Variants in PTPRK observed in about 807,000 individuals in gnomAD.
The protein encoded by PTPRK is protein tyrosine phosphatase receptor type K, also known as receptor-type tyrosine-protein phosphatase kappa.
Under a neutral mutation model 178.0 loss-of-function variants are expected in PTPRK, and 75 were observed. The ratio of observed to expected loss-of-function variants is 0.42; its 90% CI spans 0.35 to 0.51. The LOEUF is 0.51. PTPRK is among the 20% of genes least tolerant of loss of function. PTPRK has a pLI of 0.02. For synonymous variants in PTPRK, 637 were observed against 620.6 expected, an observed-to-expected ratio of 1.03 and a Z score of -0.39; for missense variants, 1,441 against 1,797.8, an observed-to-expected ratio of 0.80 and a Z score of 3.59.
Position 128,414,457 on chromosome 6 carries a change from G to GA in PTPRK, c.101-16770_101-16769insT, listed in dbSNP as rs1278836890. Among the ~76,000 whole-genome samples, 46 of 151,976 alleles carry GA rather than the reference G, an allele frequency of 3.0e-4. 1 individual carries two copies. Among genetic ancestry groups the GA allele is most frequent in the South Asian group, 2.1e-4 (1 of 4,806 alleles). ...CGATTTGATTTTTTAAATATTTTTTGGTAGTATGCACAACTGAAATAACCT... is the reference window on the plus strand; with the variant it reads ...CGATTTGATTTTTTAAATATTTTTTGAGTAGTATGCACAACTGAAATAACCT... On this transcript the variant is annotated intron_variant, in intron 1 of 29. Transcript: ENST00000368226.
At chr6:128,155,348 A>G (rs1479471785) in intron 7 of PTPRK, among the ~76,000 whole-genome samples, 1 of 151,746 alleles carries the variant, frequency 6.6e-6, no homozygotes, top group African/African-American at 2.4e-5. Flanking sequence ...TAAGTTTTGC[A>G]CAGTGGAAAT....
chr6:128,202,793 A>G (rs1806209255), intron 6 of PTPRK, among the ~76,000 whole-genome samples: 1 of 152,242 alleles, frequency 6.6e-6, no homozygotes, highest in Non-Finnish European at 1.5e-5. Context: ...GCCCAGGATC[A>G]GATGGATTGA....
At position 128,067,524 on chromosome 6, in the gene PTPRK, C is replaced by T. The variant is rs1424138902; in HGVS notation, c.2152G>A (p.Glu718Lys). 2 of 1,536,398 alleles carry T rather than the reference C, an allele frequency of 1.3e-6. No homozygotes were observed. The highest frequency in any genetic ancestry group is 2.5e-5 in the South Asian group (2 of 79,200). The change falls in exon 12 of 30, where the codon GAG (glutamate) becomes AAG (lysine). Residue 718 changes from glutamate (E) to lysine (K), a missense_variant. Glu to Lys is a moderately conservative substitution (Grantham distance 56). Around this residue, in one of 4 missense-constraint regions of PTPRK, gnomAD observed 945 missense variants for 1,080.6 expected, o/e 0.87. Transcript: ENST00000368226. ...AAATCCTGGAGGAAGCTCACCTTCT[C>T]CACACTGCTCATCGCCTGGAAATAG... ...NIYFQAMSSV[E>K]KETKTQCVRI... is the part of the protein sequence containing the mutation.
intron 3 of PTPRK, among the ~76,000 whole-genome samples, chr6:128,259,294 C>A (rs964871790): frequency 2.0e-5 from 3 of 152,076 alleles, no homozygotes; most frequent in African/African-American, 4.8e-5. Flanking sequence ...CAGGGAACAC[C>A]AGTATGCCAC....
Position 128,310,870 on chromosome 6 carries a change from C to T in PTPRK, c.495+11169G>A, listed in dbSNP as rs552694768. On this transcript the variant is annotated intron_variant, in intron 3 of 29. Coordinates refer to ENST00000368226, the MANE Select transcript of PTPRK (RefSeq NM_002844.4). ...TGGCATATTGGACACAGAACTTGTC[C>T]GACTTGGAACCACTTGGTACTTAAA... Among the ~76,000 whole-genome samples the T allele has an allele frequency of 3.3e-5, 5 of 152,164 alleles. No homozygotes were observed. In the East Asian group the frequency reaches 7.7e-4, roughly 23 times the overall value.
At chr6:128,506,486 A>T (rs1856362929) in intron 1 of PTPRK, among the ~76,000 whole-genome samples, 4 of 151,828 alleles carry the variant, frequency 2.6e-5, no homozygotes, top group African/African-American at 9.7e-5. Context: ...CAAGACCCTG[A>T]TCTCTACAAA....
At chr6:128,091,799 A>T (rs1441438206) in intron 7 of PTPRK, among the ~76,000 whole-genome samples, 1 of 152,102 alleles carries the variant, frequency 6.6e-6, no homozygotes, top group Non-Finnish European at 1.5e-5. Flanking sequence ...TTTCTAAGTC[A>T]TCACTCTCTC....
intron 3 of PTPRK, among the ~76,000 whole-genome samples, chr6:128,299,134 A>C (rs1009797986): frequency 6.6e-6 from 1 of 152,206 alleles, no homozygotes; most frequent in African/African-American, 2.4e-5. Flanking sequence ...CTTCAAAGAG[A>C]ATAAAATACC....
intron 10 of PTPRK, among the ~76,000 whole-genome samples, chr6:128,079,457 C>T (rs1784422707): frequency 6.6e-6 from 1 of 151,930 alleles, no homozygotes; most frequent in South Asian, 2.1e-4. Flanking sequence ...TAATGGACAT[C>T]TTAGCTTTTG....
chr6:128,353,494 T>C (rs1305259373), intron 2 of PTPRK, among the ~76,000 whole-genome samples: 1 of 152,132 alleles, frequency 6.6e-6, no homozygotes, highest in African/African-American at 2.4e-5. Flanking sequence ...AAATAAATAA[T>C]GGCATACAGT....
intron 3 of PTPRK, among the ~76,000 whole-genome samples, chr6:128,291,940 C>G (rs1191857000): frequency 6.6e-6 from 1 of 151,992 alleles, no homozygotes; most frequent in Non-Finnish European, 1.5e-5. Flanking sequence ...ACTCCTTTAA[C>G]CAATTGAAGA....
At chr6:128,517,803 A>G (rs1858310493) in intron 1 of PTPRK, among the ~76,000 whole-genome samples, 1 of 152,216 alleles carries the variant, frequency 6.6e-6, no homozygotes, top group Non-Finnish European at 1.5e-5. Context: ...TGAAAGACAT[A>G]CTTCAGATAT....
chr6:128,187,852 C>T (rs1312995315), intron 6 of PTPRK, among the ~76,000 whole-genome samples: 2 of 152,062 alleles, frequency 1.3e-5, no homozygotes, highest in Admixed American at 6.5e-5. Context: ...GGCTAATATA[C>T]CACTACATAT....
intron 13 of PTPRK, among the ~76,000 whole-genome samples, chr6:128,031,907 C>T (rs1489451637): frequency 6.6e-6 from 1 of 152,168 alleles, no homozygotes; most frequent in East Asian, 1.9e-4. Context: ...AATCTCATGT[C>T]CTGTCTTTCC....
chr6:128,345,982 T>C (rs1234068996), intron 2 of PTPRK, among the ~76,000 whole-genome samples: 3 of 152,336 alleles, frequency 2.0e-5, no homozygotes, highest in East Asian at 3.9e-4. Context: ...TTTTAAGTTA[T>C]ATTGTAAAAG....
chr6:128,430,939 TC>T (rs1307533388), intron 1 of PTPRK, among the ~76,000 whole-genome samples: 6 of 150,618 alleles, frequency 4.0e-5, no homozygotes, highest in African/African-American at 1.2e-4. Flanking sequence ...TTAATTTTTT[TC>T]TTTTTTTTTT....
intron 13 of PTPRK, among the ~76,000 whole-genome samples, chr6:128,042,357 A>T (rs1203214485): frequency 1.3e-5 from 2 of 152,100 alleles, no homozygotes; most frequent in Non-Finnish European, 2.9e-5. Context: ...TTGAGAGATC[A>T]GAAGTCATAA....
chr6:128,083,572 T>A, intron 9 of PTPRK, 143 bp downstream of exon 9: 4 of 428,688 alleles, frequency 9.3e-6, no homozygotes, highest in Non-Finnish European at 1.2e-5. Context: ...AATCAAAGAA[T>A]CTGTAAATTA....
At chr6:128,122,460 T>C (rs1216156433) in intron 7 of PTPRK, among the ~76,000 whole-genome samples, 1 of 152,178 alleles carries the variant, frequency 6.6e-6, no homozygotes, top group East Asian at 1.9e-4. Context: ...CAAAAGAGAC[T>C]GATAAAACTT....
Sources: allele counts gnomAD v4.1 joint callset (sites outside exome capture counted in the v4.1 genomes callset), GRCh38; gene constraint gnomAD v4.1.1; regional missense constraint gnomAD v4.1.1; transcripts MANE v1.5; gene names NCBI Gene and HGNC (gene_info 2026-07-23, HGNC 2026-07-21).